USH2A: variants seen among roughly 807,000 people sequenced by gnomAD.
USH2A encodes usherin.
In USH2A, 443 loss-of-function variants were observed where a neutral mutation model predicts 538.9. The ratio of observed to expected loss-of-function variants is 0.82; its 90% CI spans 0.76 to 0.89. USH2A has a LOEUF of 0.89. Ranked by LOEUF, USH2A falls within the 40% of genes least tolerant of loss-of-function variation. USH2A has a pLI of 0.00. For synonymous variants in USH2A, 2,413 were observed against 2,273.5 expected (o/e 1.06, Z -1.75); for missense variants, 6,633 against 6,324.8 (o/e 1.05, Z -1.65).
intron 23 of USH2A, among the ~76,000 whole-genome samples, chr1:216,087,560 T>C (rs2032172784): frequency 1.3e-5 from 2 of 151,888 alleles, no homozygotes; most frequent in Non-Finnish European, 1.5e-5. Context: ...AGTGTCTTTG[T>C]AGACTATTCA....
Position 216,086,826 on chromosome 1 carries a change from G to C in USH2A, c.4886-6C>G, listed in dbSNP as rs1476592923. The stretch of plus-strand genomic sequence containing the variant: ...ATTCAGGATGGCAGAGGAACCTAGA[G>C]AAGAGGAGATGAGAAATACACCTTC... On this transcript the variant is annotated splice_region_variant and splice_polypyrimidine_tract_variant and intron_variant, in intron 23 of 71. Transcript: ENST00000307340. The C allele has an allele frequency of 1.9e-6, 3 of 1,606,462 alleles. No homozygotes were observed. In the South Asian group the frequency reaches 3.3e-5, roughly 18 times the overall value.
At chr1:216,104,752 T>C (rs995861631) in intron 21 of USH2A, among the ~76,000 whole-genome samples, 1 of 152,138 alleles carries the variant, frequency 6.6e-6, no homozygotes, top group Admixed American at 6.5e-5. Context: ...ATTCAGGACA[T>C]AGGCATGGGC....
chr1:216,365,704 A>T (rs1298825735), intron 3 of USH2A, among the ~76,000 whole-genome samples: 2 of 152,082 alleles, frequency 1.3e-5, no homozygotes, highest in Non-Finnish European at 2.9e-5. Context: ...AAATAGCTAG[A>T]GAATGTTTTT....
intron 4 of USH2A, among the ~76,000 whole-genome samples, chr1:216,353,139 C>T (rs1214766391): frequency 2.0e-5 from 3 of 151,830 alleles, no homozygotes; most frequent in African/African-American, 4.8e-5. Context: ...GGCCATGAAA[C>T]TTAAGTTGAG....
intron 67 of USH2A, among the ~76,000 whole-genome samples, chr1:215,640,967 T>C (rs1656665804): frequency 6.6e-6 from 1 of 151,952 alleles, no homozygotes. Context: ...AAATGCTTTC[T>C]CAGCAACTTT....
intron 38 of USH2A, among the ~76,000 whole-genome samples, chr1:215,915,179 C>T (rs1665920542): frequency 6.6e-6 from 1 of 152,038 alleles, no homozygotes; most frequent in Admixed American, 6.6e-5. Flanking sequence ...GTTTGTGCTG[C>T]TGTTTGAATC....
rs796116499 is a variant in USH2A, at chr1:215,883,357, CT to C, written c.8224-4260del. On this transcript the variant is annotated intron_variant, in intron 41 of 71. Coordinates refer to ENST00000307340, the MANE Select transcript of USH2A (RefSeq NM_206933.4). ...TCCAGATCTATCTTTTGGATGTTAA[CT>C]TTTTTTGGTGGGTGGGGGGGAAGTT... 4.6e-5 allele frequency among the ~76,000 whole-genome samples: 7 copies of C among 151,448 alleles called. No individual in the cohort carries two copies. In the South Asian group the frequency reaches 1.0e-3, roughly 23 times the overall value.
intron 21 of USH2A, among the ~76,000 whole-genome samples, chr1:216,138,582 T>G (rs1191018687): frequency 6.6e-6 from 1 of 152,202 alleles, no homozygotes; most frequent in African/African-American, 2.4e-5. Context: ...GTCCTCTTTT[T>G]TGGCTCATCC....
At chr1:216,076,786 A>G (rs1375360601) in intron 27 of USH2A, among the ~76,000 whole-genome samples, 4 of 152,288 alleles carry the variant, frequency 2.6e-5, no homozygotes, top group African/African-American at 9.6e-5. Flanking sequence ...TTAAATCTTT[A>G]TGTACTTACC....
intron 61 of USH2A, among the ~76,000 whole-genome samples, chr1:215,717,937 C>A (rs563287279): frequency 5.5e-4 from 83 of 152,282 alleles, no homozygotes; most frequent in African/African-American, 1.9e-3. Flanking sequence ...TAGATAATAT[C>A]TGAAATTTGG....
intron 44 of USH2A, 145 bp downstream of exon 44, chr1:215,866,862 G>A: frequency 1.8e-6 from 2 of 1,120,752 alleles, no homozygotes; most frequent in Non-Finnish European, 2.6e-6. Context: ...TTCAATGACA[G>A]CCCTGTCAAT....
At chr1:215,742,008 C>A (rs773422522) in intron 59 of USH2A, among the ~76,000 whole-genome samples, 9 of 152,168 alleles carry the variant, frequency 5.9e-5, no homozygotes, top group Non-Finnish European at 1.0e-4. Context: ...ACCTCCATTG[C>A]ACAGTTTCAG....
intron 20 of USH2A, among the ~76,000 whole-genome samples, chr1:216,178,231 T>A (rs1197902743): frequency 6.6e-6 from 1 of 152,214 alleles, no homozygotes; most frequent in African/African-American, 2.4e-5. Context: ...TCTGGTTATT[T>A]TCTGCCACTG....
intron 21 of USH2A, among the ~76,000 whole-genome samples, chr1:216,171,665 C>A (rs2034279031): frequency 1.3e-5 from 2 of 151,950 alleles, no homozygotes; most frequent in African/African-American, 4.8e-5. Context: ...GTGCAAAGTT[C>A]ATTAGGTGGG....
rs1262411331 is a variant in USH2A, at chr1:216,258,845, A to G, written c.1972-7747T>C. 5.9e-5 allele frequency among the ~76,000 whole-genome samples: 9 copies of G among 152,132 alleles called. No homozygotes were observed. In the East Asian group the frequency reaches 1.7e-3, roughly 29 times the overall value. ...AGTCTCAAAAAGACATTTGGACCTGACAAAACAACTATAAACTCAATTTAA... is the reference window on the plus strand; with the variant it reads ...AGTCTCAAAAAGACATTTGGACCTGGCAAAACAACTATAAACTCAATTTAA... On this transcript the variant is annotated intron_variant, in intron 11 of 71. Transcript: ENST00000307340.
Position 215,843,836 on chromosome 1 carries a change from T to C in USH2A, c.9258+458A>G, listed in dbSNP as rs115100994. Among the ~76,000 whole-genome samples the C allele has an allele frequency of 9.0e-3, 1,365 of 152,242 alleles. 16 individuals are homozygous for C. The highest frequency in any genetic ancestry group is 0.031 in the African/African-American group (1,297 of 41,552). On this transcript the variant is annotated intron_variant, in intron 46 of 71. Transcript: ENST00000307340. The stretch of plus-strand genomic sequence containing the variant: ...GGCTAGAATGTTTTAAGACATCTAG[T>C]CCATTGCGCTTACAAAAGAGGAAAT...
At chr1:216,307,497 C>A (rs1180373711) in intron 9 of USH2A, among the ~76,000 whole-genome samples, 1 of 152,172 alleles carries the variant, frequency 6.6e-6, no homozygotes, top group East Asian at 1.9e-4. Context: ...GGTCTCCCCA[C>A]TGGAAAAGCA....
intron 60 of USH2A, among the ~76,000 whole-genome samples, chr1:215,732,544 CTTTTTTTTTTTTTTTT>C (rs141549439): frequency 1.4e-5 from 1 of 73,558 alleles, no homozygotes; most frequent in Non-Finnish European, 2.3e-5. Flanking sequence ...TTTTTTCTTT[CTTTTTTTTTTTTTTTT>C]TTTTTTTTTT....
chr1:216,374,050 C>T (rs948560752), intron 3 of USH2A, among the ~76,000 whole-genome samples: 1 of 133,662 alleles, frequency 7.5e-6, no homozygotes, highest in African/African-American at 2.9e-5. Flanking sequence ...GGGAATTGAA[C>T]AATGAGAACG....
Sources: allele counts gnomAD v4.1 joint callset (sites outside exome capture counted in the v4.1 genomes callset), GRCh38; gene constraint gnomAD v4.1.1; transcripts MANE v1.5; gene names NCBI Gene and HGNC (gene_info 2026-07-23, HGNC 2026-07-21).